Variants in KCP observed in about 807,000 individuals in gnomAD.
KCP encodes the protein kielin/chordin-like protein.
In KCP, 194 loss-of-function variants were observed where a neutral mutation model predicts 212.7. That is an observed-to-expected ratio of 0.91 (90% confidence interval 0.81 to 1.03). The LOEUF (loss-of-function observed/expected upper bound fraction) is 1.03. Among genes scored for constraint, KCP ranks in the 50% least tolerant of loss-of-function variants. KCP has a pLI of 0.00. For synonymous variants in KCP, 833 were observed against 865.3 expected (o/e 0.96, Z 0.65); for missense variants, 2,080 against 2,162.5 (o/e 0.96, Z 0.76).
intron 37 of KCP, chr7:128,879,257 C>T (rs760188441): frequency 5.4e-5 from 27 of 499,272 alleles, no homozygotes; most frequent in South Asian, 4.5e-4. Context: ...ACTTTACAGA[C>T]GAGAAATCTG....
chr7:128,885,580 T>G (rs1163973045), intron 26 of KCP, among the ~76,000 whole-genome samples: 1 of 152,242 alleles, frequency 6.6e-6, no homozygotes, highest in Non-Finnish European at 1.5e-5. Context: ...GTGTCATAAA[T>G]GCATGTGGAC....
chr7:128,896,751 C>T (rs1039623995), intron 8 of KCP, among the ~76,000 whole-genome samples: 4 of 151,900 alleles, frequency 2.6e-5, no homozygotes, highest in Admixed American at 6.6e-5. Context: ...ATTAGCTGGG[C>T]GTGGTGGCAC....
In KCP at chr7:128,888,253, C is replaced by CACACATACACAG. The variant is rs1207824021; in HGVS notation, c.2512+609_2512+610insCTGTGTATGTGT. On this transcript the variant is annotated intron_variant, in intron 22 of 39. Transcript: ENST00000610776. ...ACACAGACACACATACGGTCACACACACACGTACACAGACACACATACACT... is the reference window on the plus strand; with the variant it reads ...ACACAGACACACATACGGTCACACACACACATACACAGACACGTACACAGACACACATACACT... Among the ~76,000 whole-genome samples the CACACATACACAG allele has an allele frequency of 4.6e-3, 704 of 151,450 alleles. 9 individuals are homozygous for CACACATACACAG. Among genetic ancestry groups the CACACATACACAG allele is most frequent in the African/African-American group, 0.016 (679 of 41,168 alleles).
chr7:128,879,681 C>G (rs1243948453), intron 36 of KCP, 37 bp downstream of exon 36: 1 of 1,547,272 alleles, frequency 6.5e-7, no homozygotes, highest in South Asian at 1.2e-5. Context: ...GTGGACAGCA[C>G]AGGATCCACC....
intron 11 of KCP, 28 bp from the exon 12 acceptor site, chr7:128,893,504 T>C: frequency 6.7e-7 from 1 of 1,485,408 alleles, no homozygotes; most frequent in Non-Finnish European, 9.2e-7. Context: ...GGCGTGGGGG[T>C]ATAGGGCTGG....
At chr7:128,897,986 T>C (rs1031942218) in intron 8 of KCP, among the ~76,000 whole-genome samples, 2 of 152,214 alleles carry the variant, frequency 1.3e-5, no homozygotes, top group Non-Finnish European at 2.9e-5. Flanking sequence ...AGGGAATTTA[T>C]GCAAGAAATG....
intron 8 of KCP, among the ~76,000 whole-genome samples, chr7:128,896,096 C>T (rs534836603): frequency 3.3e-5 from 5 of 152,108 alleles, no homozygotes; most frequent in Non-Finnish European, 5.9e-5. Flanking sequence ...CGGAAACCCC[C>T]GACCCAAAGG....
intron 37 of KCP, 127 bp from the exon 38 acceptor site, chr7:128,878,849 G>A (rs1585190826): frequency 2.1e-6 from 2 of 954,056 alleles, no homozygotes; most frequent in Non-Finnish European, 3.0e-6. Flanking sequence ...ATGGACAGGT[G>A]GAGGCTCCCC....
In KCP at chr7:128,879,995, G is replaced by A. The variant is rs562552192; in HGVS notation, c.3850C>T (p.Arg1284Cys). Residue 1284 changes from arginine (R) to cysteine (C), a missense_variant, in exon 35 of 40, where the codon CGC becomes TGC. Coordinates refer to ENST00000610776, the MANE Select transcript of KCP (RefSeq NM_001366122.1). ...SCMAFGDPHY[R>C]TFDGRLLHFQ... ...TGCAGCAGGCGGCCGTCGAAGGTGCGGTAATGGGGGTCTCCGAAGGCCATG... is the reference window on the plus strand; with the variant it reads ...TGCAGCAGGCGGCCGTCGAAGGTGCAGTAATGGGGGTCTCCGAAGGCCATG... 47 of 1,550,408 alleles carry A rather than the reference G, an allele frequency of 3.0e-5. No homozygotes were observed. The Admixed American group carries it at 7.3e-4, about 24-fold the overall frequency.
Position 128,881,685 on chromosome 7 carries a change from A to G in KCP, c.3365T>C (p.Leu1122Pro). Residue 1122 changes from leucine (L) to proline (P), a missense_variant, in exon 31 of 40, where the codon CTC (leucine) becomes CCC (proline). Transcript: ENST00000610776. ...GTGGCGCTCTGAGAGGGGACAGCTG[A>G]GCTCAGGACAAGCCTGGTGGATGCA... ...WLCIHQACPE[L>P]SCPLSERHTP... 1 of 1,520,092 alleles carries G rather than the reference A, an allele frequency of 6.6e-7. No individual in the cohort carries two copies. Among genetic ancestry groups the G allele is most frequent in the Non-Finnish European group, 8.8e-7 (1 of 1,139,270 alleles). 94.2% of individuals were successfully genotyped at this position (1,520,092 alleles called of 1,614,324 possible).
chr7:128,892,183 A>G (rs1794193772), intron 16 of KCP, among the ~76,000 whole-genome samples: 1 of 138,090 alleles, frequency 7.2e-6, no homozygotes, highest in Admixed American at 7.4e-5. Context: ...GTGCCTGCTC[A>G]TGAACCTGTG....
chr7:128,904,118 G>T lies in KCP; in HGVS notation c.592C>A (p.Leu198Ile), dbSNP rs1208119341. 6.4e-7 allele frequency: 1 copy of T among 1,551,706 alleles called. No homozygotes were observed. The highest frequency in any genetic ancestry group is 2.0e-5 in the Admixed American group (1 of 51,010). ...CKPGCDYEGQ[L>I]YEEGVTFLSS... Reference sequence around the variant, plus strand: ...AGGAAGGTGACCCCCTCCTCATAAAGCTGCCCCTCATAATCACAGCCTGGG... The same window carrying T: ...AGGAAGGTGACCCCCTCCTCATAAATCTGCCCCTCATAATCACAGCCTGGG... Residue 198 changes from leucine (L) to isoleucine (I), a missense_variant, in exon 6 of 40, where the codon CTT becomes ATT. Transcript: ENST00000610776.
intron 27 of KCP, 81 bp downstream of exon 27, chr7:128,885,016 C>T: frequency 6.5e-7 from 1 of 1,537,152 alleles, no homozygotes; most frequent in Non-Finnish European, 8.8e-7. Context: ...CTGTCTCTGC[C>T]ACCCGGCCCA....
chr7:128,908,341 C>G (rs1743797740), intron 2 of KCP, 85 bp downstream of exon 2: 2 of 1,282,968 alleles, frequency 1.6e-6, no homozygotes, highest in South Asian at 3.3e-5. Context: ...TTTTAGGCTC[C>G]CCCCTCCAAG....
chr7:128,890,379 A>C lies in KCP; in HGVS notation c.2299T>G (p.Phe767Val). ...GGGCAGCAGTCGCCCCTGGCAGGGA[A>C]GGGGCACAGTGCAGGGGCACATGCC... ...PKACAPALCP[F>V]PARGDCCPDC... The change falls in exon 21 of 40, where the codon TTC (phenylalanine) becomes GTC (valine). Residue 767 changes from phenylalanine (F) to valine (V), a missense_variant. Coordinates refer to ENST00000610776, the MANE Select transcript of KCP (RefSeq NM_001366122.1). The C allele has an allele frequency of 1.9e-6, 3 of 1,551,322 alleles. No homozygotes were observed. Among genetic ancestry groups the C allele is most frequent in the Non-Finnish European group, 2.6e-6 (3 of 1,146,974 alleles).
rs1366302624 is a variant in KCP at position 128,879,920 on chromosome 7, C to G, written c.3925G>C (p.Asp1309His). The G allele has an allele frequency of 1.3e-6, 2 of 1,551,072 alleles. No individual in the cohort carries two copies. The highest frequency in any genetic ancestry group is 1.7e-6 in the Non-Finnish European group (2 of 1,146,906). Residue 1309 changes from aspartate (D) to histidine (H), a missense_variant, in exon 35 of 40, where the codon GAC (aspartate) becomes CAC (histidine). Physicochemically the swap from Asp to His is moderately conservative, Grantham distance 81 (BLOSUM62 -1). Coordinates refer to ENST00000610776, the MANE Select transcript of KCP (RefSeq NM_001366122.1). ...YVLAKDCHSG[D>H]FSVHVTNDDR... Reference sequence around the variant, plus strand: ...GAGACAGGGGATGCACACCTGAAGTCCCCGCTGTGGCAGTCCTTGGCCAGC... The same window carrying G: ...GAGACAGGGGATGCACACCTGAAGTGCCCGCTGTGGCAGTCCTTGGCCAGC...
At chr7:128,882,375 C>T (rs999116828) in intron 29 of KCP, among the ~76,000 whole-genome samples, 2 of 152,134 alleles carry the variant, frequency 1.3e-5, no homozygotes, top group Non-Finnish European at 2.9e-5. Flanking sequence ...GGGAAGCACA[C>T]AGCCAGGCAT....
intron 8 of KCP, among the ~76,000 whole-genome samples, chr7:128,899,999 G>T (rs534329423): frequency 2.4e-4 from 36 of 152,204 alleles, no homozygotes; most frequent in African/African-American, 8.2e-4. Context: ...AGGCCCAGGA[G>T]CCCCAAGTTA....
chr7:128,907,383 C>T lies in KCP; in HGVS notation c.290G>A (p.Trp97Ter). 2 of 1,539,152 alleles carry T rather than the reference C, an allele frequency of 1.3e-6. No individual in the cohort carries two copies. The highest frequency in any genetic ancestry group is 1.8e-6 in the Non-Finnish European group (2 of 1,137,426). ...CECHPASPQC[W>*]GLGRAWPEGA... The stretch of plus-strand genomic sequence containing the variant: ...CTCGGGCCAGGCACGCCCCAGCCCC[C>T]AGCACTGGGGAGATGCAGGGTGGCA... The change falls in exon 3 of 40, where the codon TGG becomes TAG. Residue 97 changes from tryptophan to a stop codon, truncating the protein, a stop_gained. Transcript: ENST00000610776. LOFTEE classifies it high-confidence loss of function.
Sources: allele counts gnomAD v4.1 joint callset (sites outside exome capture counted in the v4.1 genomes callset), GRCh38; gene constraint gnomAD v4.1.1; transcripts MANE v1.5; gene names NCBI Gene and HGNC (gene_info 2026-07-23, HGNC 2026-07-21).